The following TSPAN16 variants were observed in gnomAD, a reference collection of about 807,000 sequenced individuals.
TSPAN16 encodes the protein tetraspanin-16.
A neutral mutation model predicts 25.2 loss-of-function variants in TSPAN16; 23 were observed. The observed-to-expected ratio is 0.91, with a 90% CI of 0.66 to 1.29. The LOEUF (loss-of-function observed/expected upper bound fraction) is 1.29, where lower values mean the gene tolerates loss of function less well. TSPAN16 is among the 50% of genes most tolerant of loss of function. The pLI is 0.00. For synonymous variants in TSPAN16, 123 were observed against 124.4 expected (o/e 0.99, Z 0.08); for missense variants, 272 against 299.9 (o/e 0.91, Z 0.69).
At chr19:11,301,618 C>T (rs906476044) in intron 4 of TSPAN16, among the ~76,000 whole-genome samples, 8 of 146,034 alleles carry the variant, frequency 5.5e-5, no homozygotes, top group East Asian at 2.1e-4. Flanking sequence ...CCAGCCTGGG[C>T]GACAGAGGGA....
intron 1 of TSPAN16, among the ~76,000 whole-genome samples, 186 bp from the exon 2 acceptor site, chr19:11,297,956 T>TC (rs1255858121): frequency 2.0e-5 from 3 of 150,348 alleles, no homozygotes; most frequent in African/African-American, 7.3e-5. Context: ...TACTGGCTAT[T>TC]TTTTTTTTGT....
At chr19:11,319,370 C>T (rs1417818084), downstream of TSPAN16, among the ~76,000 whole-genome samples, 4 of 152,136 alleles carry the variant, frequency 2.6e-5, no homozygotes, top group African/African-American at 9.7e-5. Context: ...GAGGCCAAGG[C>T]GGGCGGATCA....
chr19:11,296,507 CGGA>C (rs1303858902), intron 1 of TSPAN16, 141 bp downstream of exon 1: 9 of 824,742 alleles, frequency 1.1e-5, no homozygotes, highest in South Asian at 1.6e-5. Flanking sequence ...GTAGGGCAGA[CGGA>C]GGAGGAGGAG....
intron 4 of TSPAN16, among the ~76,000 whole-genome samples, chr19:11,304,594 G>A (rs559950889): frequency 4.0e-5 from 6 of 151,170 alleles, no homozygotes; most frequent in Admixed American, 3.3e-4. Context: ...GCATGACCTC[G>A]GCTCACTGCA....
chr19:11,314,303 A>G (rs2147955702), intron 6 of TSPAN16, among the ~76,000 whole-genome samples: 1 of 152,338 alleles, frequency 6.6e-6, no homozygotes, highest in African/African-American at 2.4e-5. Flanking sequence ...ACTAAAAACC[A>G]TTGAACTGTA....
intron 2 of TSPAN16, 53 bp downstream of exon 2, chr19:11,298,392 C>T: frequency 6.4e-7 from 1 of 1,552,050 alleles, no homozygotes; most frequent in Non-Finnish European, 8.8e-7. Flanking sequence ...ACACACAAAT[C>T]TTTTATTGTG....
rs1408525874 is a variant in TSPAN16 at position 11,306,606 on chromosome 19, A to G, written c.453A>G (p.Leu151=). The part of the protein sequence containing the change: ...STQWNLVMEK[L]KCCGVNNYTD... ...AGTATTTCTTCTCCTCTCTATAGCTAAAGTGCTGTGGGGTGAATAACTACA... is the reference window on the plus strand; with the variant it reads ...AGTATTTCTTCTCCTCTCTATAGCTGAAGTGCTGTGGGGTGAATAACTACA... The change falls in exon 5 of 7, where the codon CTA becomes CTG. Residue 151 remains leucine (L), a splice_region_variant and synonymous_variant. Transcript: ENST00000590327. The G allele has an allele frequency of 1.2e-6, 2 of 1,613,218 alleles. No individual in the cohort carries two copies. Among genetic ancestry groups the G allele is most frequent in the African/African-American group, 1.3e-5 (1 of 74,780 alleles).
chr19:11,300,994 C>T (rs748700246), intron 3 of TSPAN16: 10 of 536,310 alleles, frequency 1.9e-5, no homozygotes, highest in Admixed American at 9.4e-5. Context: ...TCCAGACCCA[C>T]GCGTCTCCCT....
chr19:11,322,584 AC>A (rs1303789956), intron 6 of TSPAN16: 9 of 152,164 alleles, frequency 5.9e-5, no homozygotes, highest in African/African-American at 2.2e-4. Flanking sequence ...ATCTGCAAAA[AC>A]ATCAGTTTTC....
At chr19:11,301,025 G>A in intron 3 of TSPAN16, 176 bp from the exon 4 acceptor site, 1 of 576,630 alleles carries the variant, frequency 1.7e-6, no homozygotes, top group Non-Finnish European at 3.2e-6. Flanking sequence ...CTTGTGGTGG[G>A]GGCACAGTAG....
chr19:11,302,678 TACACACAC>T (rs144679719), intron 4 of TSPAN16, among the ~76,000 whole-genome samples: 17 of 126,540 alleles, frequency 1.3e-4, no homozygotes, highest in East Asian at 4.2e-4. Context: ...TATATATATA[TACACACAC>T]ACACACACAC....
At chr19:11,299,878 G>A (rs922277350) in intron 3 of TSPAN16, among the ~76,000 whole-genome samples, 1 of 151,926 alleles carries the variant, frequency 6.6e-6, no homozygotes, top group Non-Finnish European at 1.5e-5. Context: ...TCAGGAGGCT[G>A]AGGCAGGAGA....
At chr19:11,313,526 CAAA>C (rs59048434) in intron 6 of TSPAN16, among the ~76,000 whole-genome samples, 2 of 118,532 alleles carry the variant, frequency 1.7e-5, no homozygotes, top group Non-Finnish European at 3.8e-5. Flanking sequence ...GACTCTGTCT[CAAA>C]AAAAAAAAAA....
downstream of TSPAN16, among the ~76,000 whole-genome samples, chr19:11,320,811 GC>G (rs1298088042): frequency 2.0e-5 from 3 of 152,160 alleles, no homozygotes; most frequent in East Asian, 5.8e-4. Flanking sequence ...AGTTAGGGGA[GC>G]TTTGTTGTAT....
At chr19:11,316,088 T>G (rs566604534), downstream of TSPAN16, 138 of 223,330 alleles carry the variant, frequency 6.2e-4, 1 homozygote, top group East Asian at 0.01. Context: ...TTATTCTTGG[T>G]GTGTGTGTGT....
Position 11,307,250 on chromosome 19 carries a change from G to A in TSPAN16, c.603+494G>A, listed in dbSNP as rs527377287. Among the ~76,000 whole-genome samples, 26 of 151,718 alleles carry A rather than the reference G, an allele frequency of 1.7e-4. No individual in the cohort carries two copies. The South Asian group carries it at 4.8e-3, about 28-fold the overall frequency. On this transcript the variant is annotated intron_variant, in intron 5 of 6. Transcript: ENST00000590327. ...TTCTCCTGCCTCAGCCTCCCGAGTA[G>A]CTGGGATTACAGGTGTGTGCCACCA...
At chr19:11,324,933 C>T (rs1272055066) in intron 6 of TSPAN16, 1 of 152,824 alleles carries the variant, frequency 6.5e-6, no homozygotes, top group Non-Finnish European at 1.5e-5. Flanking sequence ...GAAAGAGGCG[C>T]CGCCTTCCCT....
At chr19:11,301,663 C>G (rs1227164683) in intron 4 of TSPAN16, among the ~76,000 whole-genome samples, 1 of 148,548 alleles carries the variant, frequency 6.7e-6, no homozygotes, top group African/African-American at 2.5e-5. Context: ...AAGCCAGTCA[C>G]AGTGGCACAT....
chr19:11,316,086 GGTGTGTGTGTGTGTGTGT>G, downstream of TSPAN16: 1 of 256,320 alleles, frequency 3.9e-6, no homozygotes, highest in East Asian at 1.0e-4. Context: ...AATTATTCTT[GGTGTGTGTGTGTGTGTGT>G]GTGTGTGTGT....
Sources: gnomAD v4.1 joint callset for allele counts (sites outside exome capture counted in the v4.1 genomes callset) on GRCh38, gnomAD v4.1.1 for gene constraint, MANE v1.5 for transcripts, NCBI Gene and HGNC (gene_info 2026-07-23, HGNC 2026-07-21) for gene names.